The following NLGN1 variants were observed in gnomAD, a reference collection of about 807,000 sequenced individuals.
The protein encoded by NLGN1 is neuroligin-1.
Under a neutral mutation model 65.5 loss-of-function variants are expected in NLGN1, and 12 were observed. The observed-to-expected ratio is 0.18, with a 90% confidence interval of 0.12 to 0.30. The LOEUF is 0.30. NLGN1 is among the 10% of genes least tolerant of loss of function. The pLI, the probability that NLGN1 is intolerant of heterozygous loss-of-function variation, is 1.00. For synonymous variants in NLGN1, 350 were observed against 359.5 expected (o/e 0.97, Z 0.30); for missense variants, 750 against 1,007.1 (o/e 0.74, Z 3.46).
At chr3:174,220,023 AG>A (rs1418551061) in intron 4 of NLGN1, among the ~76,000 whole-genome samples, 1 of 152,142 alleles carries the variant, frequency 6.6e-6, no homozygotes. Context: ...GGGACCAGGC[AG>A]GGAGGCAATG....
intron 3 of NLGN1, among the ~76,000 whole-genome samples, chr3:173,766,737 G>GA (rs2150238003): frequency 6.6e-6 from 1 of 152,304 alleles, no homozygotes; most frequent in African/African-American, 2.4e-5. Context: ...AAAGTTAGGA[G>GA]AACTGTTCTC....
At chr3:173,667,381 A>G (rs183890556) in intron 3 of NLGN1, among the ~76,000 whole-genome samples, 1 of 152,172 alleles carries the variant, frequency 6.6e-6, no homozygotes, top group Non-Finnish European at 1.5e-5. Context: ...TAAAAAAACT[A>G]ATTTTGGACT....
chr3:173,879,011 T>G (rs759087187), intron 4 of NLGN1, among the ~76,000 whole-genome samples: 1 of 152,056 alleles, frequency 6.6e-6, no homozygotes, highest in African/African-American at 2.4e-5. Flanking sequence ...AGCATGTGGA[T>G]CACCTGAGGT....
chr3:173,960,413 A>T (rs1045285776), intron 4 of NLGN1, among the ~76,000 whole-genome samples: 34 of 151,954 alleles, frequency 2.2e-4, no homozygotes, highest in Non-Finnish European at 4.9e-4. Context: ...TCTAAGTGGA[A>T]TTTTTGTTTC....
intron 2 of NLGN1, among the ~76,000 whole-genome samples, chr3:173,469,315 GC>G (rs1297484558): frequency 6.6e-6 from 1 of 151,822 alleles, no homozygotes; most frequent in Non-Finnish European, 1.5e-5. Flanking sequence ...TTCCAACTAG[GC>G]TTTCACCATA....
chr3:174,277,576 A>G (rs553693600), intron 5 of NLGN1, among the ~76,000 whole-genome samples: 20 of 152,106 alleles, frequency 1.3e-4, no homozygotes, highest in Admixed American at 2.6e-4. Flanking sequence ...AAACAGCTAC[A>G]TAATTTTAAA....
intron 4 of NLGN1, among the ~76,000 whole-genome samples, chr3:173,956,678 T>A (rs1443436264): frequency 6.6e-6 from 1 of 152,278 alleles, no homozygotes; most frequent in African/African-American, 2.4e-5. Context: ...AAGTTGTGGC[T>A]TTTATGTATG....
chr3:174,195,580 G>C (rs927726391), intron 4 of NLGN1, among the ~76,000 whole-genome samples: 11 of 152,154 alleles, frequency 7.2e-5, no homozygotes, highest in African/African-American at 2.7e-4. Flanking sequence ...TGAGGGATTA[G>C]AGAAATCTCT....
intron 4 of NLGN1, among the ~76,000 whole-genome samples, chr3:174,086,628 T>C (rs920105779): frequency 6.6e-6 from 1 of 151,618 alleles, no homozygotes; most frequent in African/African-American, 2.4e-5. Context: ...AACTGAAAAA[T>C]TTTAATAGCC....
At chr3:174,202,945 T>C (rs1734752377) in intron 4 of NLGN1, 1 of 152,066 alleles carries the variant, frequency 6.6e-6, no homozygotes, top group African/African-American at 2.4e-5. Context: ...CTGTTAGAGG[T>C]TGTGGACTAT....
rs76110426 is a variant in NLGN1 at position 174,280,038 on chromosome 3, A to G, written c.1649+388A>G. Reference sequence around the variant, plus strand: ...TCAGGTACTATTAATCCCACTTTACAAGAAGGAGACCTGAGGCTCTGTGAG... The same window carrying G: ...TCAGGTACTATTAATCCCACTTTACGAGAAGGAGACCTGAGGCTCTGTGAG... On this transcript the variant is annotated intron_variant, in intron 6 of 6. Transcript: ENST00000457714. This position sits in a 1 kb window ranked among gnomAD's most constrained non-coding sequence, Gnocchi z 4.9. 5.3e-5 allele frequency among the ~76,000 whole-genome samples: 8 copies of G among 152,068 alleles called. No individual in the cohort carries two copies. Among genetic ancestry groups the G allele is most frequent in the African/African-American group, 1.9e-4 (8 of 41,534 alleles).
chr3:174,213,852 A>T (rs1234241966), intron 4 of NLGN1, among the ~76,000 whole-genome samples: 1 of 152,180 alleles, frequency 6.6e-6, no homozygotes, highest in Non-Finnish European at 1.5e-5. Flanking sequence ...TTAGGTGATG[A>T]TTTATAGCAT....
At chr3:174,133,147 C>A (rs1720525578) in intron 4 of NLGN1, among the ~76,000 whole-genome samples, 1 of 152,176 alleles carries the variant, frequency 6.6e-6, no homozygotes, top group South Asian at 2.1e-4. Context: ...ATATTTGGCA[C>A]TTATTAGACT....
intron 3 of NLGN1, among the ~76,000 whole-genome samples, chr3:173,690,066 C>T (rs77678779): frequency 0.028 from 4,287 of 152,054 alleles, 90 homozygotes; most frequent in Middle Eastern, 0.044. Context: ...TAGAATTTTC[C>T]GAATATTAAT....
At chr3:174,112,281 T>C (rs73880352) in intron 4 of NLGN1, among the ~76,000 whole-genome samples, 1 of 151,966 alleles carries the variant, frequency 6.6e-6, no homozygotes, top group Non-Finnish European at 1.5e-5. Flanking sequence ...ATAGATAAGA[T>C]GATTGATTAA....
At chr3:174,145,453 C>T (rs1018201658) in intron 4 of NLGN1, among the ~76,000 whole-genome samples, 9 of 151,546 alleles carry the variant, frequency 5.9e-5, no homozygotes, top group Non-Finnish European at 1.0e-4. Flanking sequence ...GCAGGGGTTC[C>T]GGTGAGCCAA....
chr3:173,898,086 T>C (rs1736647099), intron 4 of NLGN1, among the ~76,000 whole-genome samples: 1 of 152,222 alleles, frequency 6.6e-6, no homozygotes, highest in South Asian at 2.1e-4. Context: ...CACTGACATT[T>C]ATAAATGGTA....
intron 3 of NLGN1, among the ~76,000 whole-genome samples, chr3:173,725,205 A>G (rs980767589): frequency 1.3e-5 from 2 of 152,210 alleles, no homozygotes; most frequent in African/African-American, 4.8e-5. Flanking sequence ...ATAATATTTT[A>G]TATCACCATA....
intron 3 of NLGN1, among the ~76,000 whole-genome samples, chr3:173,662,497 G>A (rs951541020): frequency 6.6e-6 from 1 of 151,936 alleles, no homozygotes; most frequent in Non-Finnish European, 1.5e-5. Flanking sequence ...AATTTGTGCA[G>A]CTTAAAGTTT....
Sources: gnomAD v4.1 joint callset for allele counts (sites outside exome capture counted in the v4.1 genomes callset) on GRCh38, gnomAD v4.1.1 for gene constraint, Gnocchi (gnomAD v3.1) non-coding constraint, MANE v1.5 for transcripts, NCBI Gene and HGNC (gene_info 2026-07-23, HGNC 2026-07-21) for gene names.